The following PRSS23 variants were observed in gnomAD, a reference collection of about 807,000 sequenced individuals.
The protein encoded by PRSS23 is serine protease 23, also known as protease, serine 23.
PRSS23 carries 25 observed loss-of-function variants against 34.7 expected under a neutral mutation model. That is an observed-to-expected ratio of 0.72 (90% CI 0.53 to 1.01). The LOEUF (loss-of-function observed/expected upper bound fraction) is 1.01. Among genes scored for constraint, PRSS23 ranks in the 50% least tolerant of loss-of-function variants. The pLI is 0.00. For missense variants in PRSS23, 445 were observed against 475.6 expected (o/e 0.94, Z 0.60); for synonymous variants, 176 against 186.6 (o/e 0.94, Z 0.46).
chr11:86,847,723 A>G (rs1032511017), intron 2 of PRSS23, among the ~76,000 whole-genome samples: 4 of 152,216 alleles, frequency 2.6e-5, no homozygotes, highest in African/African-American at 9.6e-5. Context: ...CTGCCTGGCC[A>G]CAGTATTCCT....
chr11:86,853,079 C>T (rs1031316630), intron 2 of PRSS23, among the ~76,000 whole-genome samples: 1 of 151,484 alleles, frequency 6.6e-6, no homozygotes, highest in African/African-American at 2.4e-5. Context: ...GTCTCAAACT[C>T]CTGACCTTAA....
intron 2 of PRSS23, among the ~76,000 whole-genome samples, chr11:86,835,403 T>C (rs922057074): frequency 2.6e-5 from 4 of 152,220 alleles, no homozygotes; most frequent in African/African-American, 9.6e-5. Flanking sequence ...CCTAGAGCTA[T>C]TCCTGTTTTT....
At chr11:86,828,302 G>T (rs892484248) in intron 2 of PRSS23, among the ~76,000 whole-genome samples, 1 of 152,052 alleles carries the variant, frequency 6.6e-6, no homozygotes, top group African/African-American at 2.4e-5. Flanking sequence ...TTTTATCAGA[G>T]ACTAGGATTG....
chr11:86,931,148 C>T (rs545613523), intron 2 of PRSS23, among the ~76,000 whole-genome samples: 10 of 152,196 alleles, frequency 6.6e-5, no homozygotes, highest in South Asian at 4.1e-4. Flanking sequence ...ACTCATATAT[C>T]TGACAAACTA....
chr11:86,833,990 G>C (rs1440760934), intron 2 of PRSS23, among the ~76,000 whole-genome samples: 3 of 152,202 alleles, frequency 2.0e-5, no homozygotes, highest in African/African-American at 7.2e-5. Flanking sequence ...AGGGGTCCAT[G>C]GTAGATCTTA....
intron 2 of PRSS23, chr11:86,948,411 C>T (rs1949262127): frequency 1.3e-5 from 2 of 151,962 alleles, no homozygotes. Context: ...TAACAAATAC[C>T]GATTTAAGAA....
chr11:86,830,053 T>C (rs1299187086), intron 2 of PRSS23, among the ~76,000 whole-genome samples: 1 of 152,156 alleles, frequency 6.6e-6, no homozygotes, highest in Non-Finnish European at 1.5e-5. Flanking sequence ...TCTGCAGAGG[T>C]TACTGCTGTC....
intron 2 of PRSS23, among the ~76,000 whole-genome samples, chr11:86,877,527 A>G (rs1023474682): frequency 4.6e-5 from 7 of 152,186 alleles, no homozygotes; most frequent in Non-Finnish European, 1.0e-4. Context: ...ACTGGAAGGT[A>G]AGGGAGGTGT....
At chr11:86,831,924 C>T (rs1235247997) in intron 2 of PRSS23, among the ~76,000 whole-genome samples, 1 of 151,906 alleles carries the variant, frequency 6.6e-6, no homozygotes, top group East Asian at 1.9e-4. Flanking sequence ...TGATGTTACT[C>T]CTCATGTTCC....
chr11:86,949,210 C>T (rs77424184), intron 2 of PRSS23: 3 of 151,976 alleles, frequency 2.0e-5, no homozygotes, highest in Non-Finnish European at 2.9e-5. Context: ...AACATACAAT[C>T]GACTTTACAT....
At chr11:86,859,171 CT>C (rs1948594817) in intron 2 of PRSS23, among the ~76,000 whole-genome samples, 1 of 152,092 alleles carries the variant, frequency 6.6e-6, no homozygotes, top group Non-Finnish European at 1.5e-5. Flanking sequence ...TGACACCCCC[CT>C]GTGATCTTGT....
At chr11:86,843,544 G>C (rs900381718) in intron 2 of PRSS23, among the ~76,000 whole-genome samples, 2 of 152,190 alleles carry the variant, frequency 1.3e-5, no homozygotes, top group Admixed American at 1.3e-4. Flanking sequence ...CTAATATCCA[G>C]AATCTACAAT....
chr11:86,909,004 A>G (rs1948961389), intron 2 of PRSS23: 1 of 150,092 alleles, frequency 6.7e-6, no homozygotes, highest in Non-Finnish European at 1.5e-5. Flanking sequence ...TATTTGTTGA[A>G]GGAGCTCCTT....
At chr11:86,929,279 G>A (rs10898556) in intron 2 of PRSS23, among the ~76,000 whole-genome samples, 9 of 148,842 alleles carry the variant, frequency 6.0e-5, no homozygotes, top group African/African-American at 2.2e-4. Context: ...CCAAGATCGC[G>A]CCATTGTACT....
intron 2 of PRSS23, among the ~76,000 whole-genome samples, chr11:86,859,145 C>T (rs933159169): frequency 2.0e-5 from 3 of 151,628 alleles, no homozygotes; most frequent in Admixed American, 6.6e-5. Flanking sequence ...GATATTGCTC[C>T]CTATATCAGG....
chr11:86,851,630 T>C (rs767562788), intron 2 of PRSS23, among the ~76,000 whole-genome samples: 5 of 152,164 alleles, frequency 3.3e-5, no homozygotes, highest in Non-Finnish European at 7.3e-5. Flanking sequence ...TATATGAAAA[T>C]GCGTCACAAC....
At chr11:86,879,462 C>A (rs1331833902) in intron 2 of PRSS23, among the ~76,000 whole-genome samples, 1 of 149,900 alleles carries the variant, frequency 6.7e-6, no homozygotes, top group Non-Finnish European at 1.5e-5. Flanking sequence ...GGGGGTCAGC[C>A]CCCGCCAGGC....
At chr11:86,871,189 G>A (rs1460632383) in intron 2 of PRSS23, among the ~76,000 whole-genome samples, 1 of 152,120 alleles carries the variant, frequency 6.6e-6, no homozygotes, top group Non-Finnish European at 1.5e-5. Context: ...TTGGTTTTAT[G>A]CCTTTTTAGG....
At chr11:86,895,515 T>A (rs1948869057) in intron 2 of PRSS23, among the ~76,000 whole-genome samples, 1 of 122,372 alleles carries the variant, frequency 8.2e-6, no homozygotes, top group Non-Finnish European at 1.6e-5. Context: ...AGGGTCTCAC[T>A]CTTGCCCAGG....
Sources: gnomAD v4.1 joint callset for allele counts (sites outside exome capture counted in the v4.1 genomes callset) on GRCh38, gnomAD v4.1.1 for gene constraint, MANE v1.5 for transcripts, NCBI Gene and HGNC (gene_info 2026-07-23, HGNC 2026-07-21) for gene names.